The following KIDINS220 variants were observed in gnomAD, a reference collection of about 807,000 sequenced individuals.
KIDINS220 encodes kinase D-interacting substrate of 220 kDa.
In KIDINS220, 63 loss-of-function variants were observed where a neutral mutation model predicts 157.6. The ratio of observed to expected loss-of-function variants is 0.40; its 90% CI spans 0.33 to 0.49. The LOEUF (loss-of-function observed/expected upper bound fraction) is 0.49, where lower values mean the gene tolerates loss of function less well. Ranked by LOEUF, KIDINS220 falls within the 20% of genes least tolerant of loss-of-function variation. The pLI is 0.66. For missense variants in KIDINS220, 1,772 were observed against 2,171.2 expected (o/e 0.82, Z 3.65); for synonymous variants, 732 against 783.6 (o/e 0.93, Z 1.10).
Position 8,786,302 on chromosome 2 carries a change from C to A in KIDINS220, c.1843G>T (p.Ala615Ser). The A allele has an allele frequency of 6.2e-7, 1 of 1,614,036 alleles. No homozygotes were observed. ...LSSVGGETSL[A>S]EMIATLSDAC... ...TCCGAGAGGGTTGCAATCATTTCAG[C>A]CAGAGAAGTTTCTCCACCTACACTG... The change falls in exon 16 of 30, where the codon GCT becomes TCT. Residue 615 changes from alanine to serine, a missense_variant. By Grantham distance (99) the Ala-to-Ser change is moderately conservative. This residue lies in a region of KIDINS220 where 725 missense variants were observed against 1,017.1 expected (regional missense o/e 0.71). Transcript: ENST00000256707.
chr2:8,733,371 G>T, intron 29 of KIDINS220, 73 bp downstream of exon 29: 1 of 1,233,194 alleles, frequency 8.1e-7, no homozygotes, highest in Non-Finnish European at 1.2e-6. Flanking sequence ...CTGTCTAAAT[G>T]CCCATATAAT....
rs1667371687 is a variant in KIDINS220 at position 8,751,610 on chromosome 2, C to G, written c.3046G>C (p.Glu1016Gln). Residue 1016 changes from glutamate (E) to glutamine (Q), a missense_variant, in exon 23 of 30, where the codon GAG (glutamate) becomes CAG (glutamine). Physicochemically the swap from Glu to Gln is conservative, Grantham distance 29. Around this residue, in one of 3 missense-constraint regions of KIDINS220, gnomAD observed 725 missense variants for 1,017.1 expected, o/e 0.71. Transcript: ENST00000256707. ...SKNIPTTKDV[E>Q]PLLEIDGDIR... ...TCTCCATCAATTTCAAGAAGTGGCT[C>G]AACATCCTTAGTTGTTGGAATATTC... The G allele has an allele frequency of 6.2e-7, 1 of 1,606,816 alleles. No individual in the cohort carries two copies. The highest frequency in any genetic ancestry group is 8.5e-7 in the Non-Finnish European group (1 of 1,176,256).
intron 22 of KIDINS220, among the ~76,000 whole-genome samples, chr2:8,759,490 T>G (rs1166112691): frequency 6.6e-6 from 1 of 151,106 alleles, no homozygotes; most frequent in African/African-American, 2.4e-5. Context: ...GCATGTAATT[T>G]AAAGGATTAA....
chr2:8,779,892 A>G, intron 17 of KIDINS220, 78 bp from the exon 18 acceptor site: 1 of 1,476,336 alleles, frequency 6.8e-7, no homozygotes, highest in Admixed American at 1.8e-5. Context: ...AAAGCGTGAT[A>G]GAAAGTCATC....
chr2:8,789,830 A>C lies in KIDINS220; in HGVS notation c.1621+50T>G, dbSNP rs915393127. ...AGAAAATGTTTTTTCTTTATCTATGAATCTTAACGTTTTCTCCATTTTTGA... is the reference window on the plus strand; with the variant it reads ...AGAAAATGTTTTTTCTTTATCTATGCATCTTAACGTTTTCTCCATTTTTGA... On this transcript the variant is annotated intron_variant, in intron 14 of 29. Coordinates refer to ENST00000256707, the MANE Select transcript of KIDINS220 (RefSeq NM_020738.4). 9 of 1,334,236 alleles carry C rather than the reference A, an allele frequency of 6.7e-6. No individual in the cohort carries two copies. The African/African-American group carries it at 1.2e-4, about 18-fold the overall frequency. 82.6% of individuals were successfully genotyped at this position (1,334,236 alleles called of 1,614,324 possible). A position where few individuals can be genotyped will look rare whatever the true frequency, so the allele number is the denominator to read the frequency against.
At chr2:8,742,754 G>C (rs1665802117) in intron 26 of KIDINS220, among the ~76,000 whole-genome samples, 1 of 152,138 alleles carries the variant, frequency 6.6e-6, no homozygotes, top group Admixed American at 6.6e-5. Flanking sequence ...ATTTTCATCA[G>C]TTTTCTTCAC....
At chr2:8,813,879 G>A (rs182391653) in intron 4 of KIDINS220, among the ~76,000 whole-genome samples, 16 of 152,150 alleles carry the variant, frequency 1.1e-4, no homozygotes, top group South Asian at 6.2e-4. Flanking sequence ...AGCCAAGATC[G>A]CGCCACTGCA....
chr2:8,830,355 C>G (rs1679427887), intron 1 of KIDINS220, among the ~76,000 whole-genome samples: 1 of 152,192 alleles, frequency 6.6e-6, no homozygotes, highest in African/African-American at 2.4e-5. Context: ...TACTTTCCTT[C>G]TAGACCAACT....
Position 8,729,111 on chromosome 2 carries a change from T to C in KIDINS220, c.*1609A>G, listed in dbSNP as rs1213135007. On this transcript the variant is annotated 3_prime_UTR_variant, in exon 30 of 30. Transcript: ENST00000256707. ...CAATTTTGCAAATAAGCACTATAAATGTTAAAATGTTAAGACTTCAGTGTA... is the reference window on the plus strand; with the variant it reads ...CAATTTTGCAAATAAGCACTATAAACGTTAAAATGTTAAGACTTCAGTGTA... 22 of 983,630 alleles carry C rather than the reference T, an allele frequency of 2.2e-5. No homozygotes were observed. The highest frequency in any genetic ancestry group is 2.7e-5 in the Non-Finnish European group (22 of 827,908). The allele number at this position is 983,630 out of a possible 1,614,324, so 60.9% of individuals were successfully genotyped here.
At position 8,734,724 on chromosome 2, in the gene KIDINS220, C is replaced by G. The variant is rs766567862; in HGVS notation, c.3747G>C (p.Gln1249His). 6.2e-7 allele frequency: 1 copy of G among 1,613,258 alleles called. No homozygotes were observed. The highest frequency in any genetic ancestry group is 1.7e-5 in the Admixed American group (1 of 59,958). The change falls in exon 28 of 30, where the codon CAG becomes CAC. Residue 1249 changes from glutamine to histidine, a missense_variant. By Grantham distance (24) the Gln-to-His change is conservative. Coordinates refer to ENST00000256707, the MANE Select transcript of KIDINS220 (RefSeq NM_020738.4). ...KANINGRVLA[Q>H]CNIDELKKEM... The stretch of plus-strand genomic sequence containing the variant: ...CTTTCTTCAGCTCATCAATGTTACA[C>G]TGAGCTAACACACGGCCATTTATGT...
intron 17 of KIDINS220, among the ~76,000 whole-genome samples, chr2:8,781,950 T>C (rs961482666): frequency 6.6e-6 from 1 of 151,886 alleles, no homozygotes; most frequent in African/African-American, 2.4e-5. Context: ...GGTGAAACCC[T>C]ATATCTACAA....
Position 8,747,154 on chromosome 2 carries a change from G to C in KIDINS220, c.3576C>G (p.Asp1192Glu). The change falls in exon 26 of 30, where the codon GAC becomes GAG. Residue 1192 changes from aspartate (D) to glutamate (E), a missense_variant. Physicochemically the swap from Asp to Glu is conservative, Grantham distance 45 (BLOSUM62 2). Coordinates refer to ENST00000256707, the MANE Select transcript of KIDINS220 (RefSeq NM_020738.4). ...DAAEGLSSPT[D>E]SSRGSGPAPG... ...AGGACTACTCCATTACCCTCGAGGA[G>C]TCTGTGGGTGAAGAAAGCCCCTCAG... 1.2e-6 allele frequency: 2 copies of C among 1,613,996 alleles called. No individual in the cohort carries two copies. The highest frequency in any genetic ancestry group is 1.7e-6 in the Non-Finnish European group (2 of 1,179,838).
intron 26 of KIDINS220, among the ~76,000 whole-genome samples, chr2:8,744,332 T>C (rs1273383870): frequency 8.3e-6 from 1 of 120,596 alleles, no homozygotes; most frequent in Non-Finnish European, 1.6e-5. Context: ...AAGGATCTAA[T>C]TTATAAAGGT....
chr2:8,734,031 A>G (rs1664514220), intron 28 of KIDINS220, among the ~76,000 whole-genome samples: 1 of 152,166 alleles, frequency 6.6e-6, no homozygotes, highest in South Asian at 2.1e-4. Context: ...TTTATTCAGA[A>G]CTATGGCAAC....
At chr2:8,722,565 GGA>G (rs1663022117), downstream of KIDINS220, 1 of 152,140 alleles carries the variant, frequency 6.6e-6, no homozygotes, top group African/African-American at 2.4e-5. Flanking sequence ...CACTGTTCTG[GGA>G]GAGAGAGGAG....
At chr2:8,807,481 C>T (rs925883496) in intron 6 of KIDINS220, among the ~76,000 whole-genome samples, 2 of 152,154 alleles carry the variant, frequency 1.3e-5, no homozygotes, top group Non-Finnish European at 2.9e-5. Flanking sequence ...CAAATAATGA[C>T]GATTAAGCAC....
At chr2:8,807,890 G>C (rs923004887) in intron 6 of KIDINS220, among the ~76,000 whole-genome samples, 1 of 152,208 alleles carries the variant, frequency 6.6e-6, no homozygotes, top group African/African-American at 2.4e-5. Context: ...GGGAGGCTAA[G>C]CCAGGTGGAT....
At chr2:8,819,615 G>A (rs1572794624) in intron 2 of KIDINS220, among the ~76,000 whole-genome samples, 1 of 152,278 alleles carries the variant, frequency 6.6e-6, no homozygotes, top group Middle Eastern at 3.4e-3. Context: ...CATGAGGCCA[G>A]GAGTTCAAGA....
intron 6 of KIDINS220, among the ~76,000 whole-genome samples, chr2:8,807,374 T>C (rs992551868): frequency 9.2e-5 from 14 of 152,316 alleles, no homozygotes; most frequent in African/African-American, 3.4e-4. Flanking sequence ...GATAATTTAA[T>C]TTAATCTACT....
Sources: gnomAD v4.1 joint callset for allele counts (sites outside exome capture counted in the v4.1 genomes callset) on GRCh38, gnomAD v4.1.1 for gene constraint, gnomAD v4.1.1 regional missense constraint, MANE v1.5 for transcripts, NCBI Gene and HGNC (gene_info 2026-07-23, HGNC 2026-07-21) for gene names.